Variants in ALKBH1 observed in about 807,000 individuals in gnomAD.
ALKBH1 encodes the protein nucleic acid dioxygenase ALKBH1.
Under a neutral mutation model 36.6 loss-of-function variants are expected in ALKBH1, and 31 were observed. The ratio of observed to expected loss-of-function variants is 0.85; its 90% CI spans 0.64 to 1.14. The LOEUF (loss-of-function observed/expected upper bound fraction) is 1.14. Ranked by LOEUF, ALKBH1 falls within the 50% of genes most tolerant of loss-of-function variation. The pLI is 0.00. For synonymous variants in ALKBH1, 183 were observed against 186.6 expected (o/e 0.98, Z 0.16); for missense variants, 490 against 497.3 (o/e 0.99, Z 0.14).
At chr14:77,690,414 G>A (rs2080290870) in intron 3 of ALKBH1, among the ~76,000 whole-genome samples, 1 of 152,214 alleles carries the variant, frequency 6.6e-6, no homozygotes, top group Non-Finnish European at 1.5e-5. Context: ...GCTCCTGGCA[G>A]GGAACTTCTA....
Position 77,705,925 on chromosome 14 carries a change from C to T in ALKBH1, c.184-1448G>A, listed in dbSNP as rs1367312727. Reference sequence around the variant, plus strand: ...CAAAAATTAGCCAGGCATGGTGGCGCGTGCCTGTAGTCCCAGCTACTTGGG... The same window carrying T: ...CAAAAATTAGCCAGGCATGGTGGCGTGTGCCTGTAGTCCCAGCTACTTGGG... On this transcript the variant is annotated intron_variant, in intron 1 of 5. Transcript: ENST00000216489. Among the ~76,000 whole-genome samples, 5 of 152,104 alleles carry T rather than the reference C, an allele frequency of 3.3e-5. No homozygotes were observed. The Middle Eastern group carries it at 0.014, about 417-fold the overall frequency.
Position 77,675,677 on chromosome 14 carries a change from G to C in ALKBH1, c.719C>G (p.Ser240Cys), listed in dbSNP as rs573617287. 6 of 1,613,936 alleles carry C rather than the reference G, an allele frequency of 3.7e-6. No homozygotes were observed. In the East Asian group the frequency reaches 1.1e-4, roughly 30 times the overall value. Residue 240 changes from serine to cysteine, a missense_variant, in exon 5 of 6, where the codon TCC (serine) becomes TGC (cysteine). Coordinates refer to ENST00000216489, the MANE Select transcript of ALKBH1 (RefSeq NM_006020.3). ...IHVDRSELDH[S>C]KPLLSFSFGQ... The stretch of plus-strand genomic sequence containing the variant: ...TCACCTGAATGACAGCAAGGGTTTG[G>C]AGTGATCTAGCTCAGATCTGTCTAC...
chr14:77,685,775 A>G (rs867911253), intron 3 of ALKBH1, among the ~76,000 whole-genome samples: 16 of 151,810 alleles, frequency 1.1e-4, no homozygotes, highest in African/African-American at 3.4e-4. Flanking sequence ...CTCGGGGGGG[A>G]AAAAAAGGCT....
chr14:77,683,440 A>C, intron 3 of ALKBH1: 1 of 747,600 alleles, frequency 1.3e-6, no homozygotes. Context: ...CTTGCCCTTA[A>C]CTTACTTGTT....
chr14:77,683,198 C>G, intron 3 of ALKBH1: 1 of 645,630 alleles, frequency 1.5e-6, no homozygotes, highest in Non-Finnish European at 2.9e-6. Context: ...TATTTTAACA[C>G]CTATTATGCT....
chr14:77,707,569 A>C (rs546240973), intron 1 of ALKBH1, among the ~76,000 whole-genome samples: 2 of 152,296 alleles, frequency 1.3e-5, no homozygotes, highest in East Asian at 3.9e-4. Context: ...TTACAGTAAG[A>C]AATAAACACG....
At chr14:77,682,636 G>C (rs2080244223) in intron 3 of ALKBH1, among the ~76,000 whole-genome samples, 1 of 152,180 alleles carries the variant, frequency 6.6e-6, no homozygotes, top group South Asian at 2.1e-4. Context: ...GGTCATCTAA[G>C]ACTGGAATCT....
intron 3 of ALKBH1, chr14:77,683,149 CTT>C (rs34921168): frequency 0.028 from 11,322 of 401,228 alleles, 1 homozygote; most frequent in South Asian, 0.053. Flanking sequence ...GCTGTAAAGT[CTT>C]TTTTTTTTTT....
rs1442135831 is a variant in ALKBH1 at position 77,674,149 on chromosome 14, A to C, written c.833T>G (p.Met278Arg). ...GTTCAAGAGGCGGCTGAAACCCGACATTATCATGATGTCACCACTGTGCAT... is the reference window on the plus strand; with the variant it reads ...GTTCAAGAGGCGGCTGAAACCCGACCTTATCATGATGTCACCACTGTGCAT... ...MFMHSGDIMI[M>R]SGFSRLLNHA... Residue 278 changes from methionine (M) to arginine (R), a missense_variant, in exon 6 of 6, where the codon ATG becomes AGG. Coordinates refer to ENST00000216489, the MANE Select transcript of ALKBH1 (RefSeq NM_006020.3). The C allele has an allele frequency of 1.2e-6, 2 of 1,614,110 alleles. No homozygotes were observed. The highest frequency in any genetic ancestry group is 2.7e-5 in the African/African-American group (2 of 74,942).
chr14:77,685,169 G>A (rs1243056733), intron 3 of ALKBH1, among the ~76,000 whole-genome samples: 2 of 152,120 alleles, frequency 1.3e-5, no homozygotes, highest in East Asian at 3.8e-4. Context: ...CTCACTGGGA[G>A]CGGTGGCTCA....
At chr14:77,679,839 C>T (rs766031790) in intron 4 of ALKBH1, 41 bp downstream of exon 4, 3 of 1,456,978 alleles carry the variant, frequency 2.1e-6, no homozygotes, top group South Asian at 1.1e-5. Context: ...GCTAAAGAAG[C>T]CTATAAACAG....
At chr14:77,677,849 G>C (rs2080214251) in intron 4 of ALKBH1, among the ~76,000 whole-genome samples, 1 of 152,078 alleles carries the variant, frequency 6.6e-6, no homozygotes, top group Admixed American at 6.6e-5. Context: ...AAACAGTCAA[G>C]GCTGTCATTC....
At chr14:77,677,171 C>T (rs2080210928) in intron 4 of ALKBH1, among the ~76,000 whole-genome samples, 1 of 152,044 alleles carries the variant, frequency 6.6e-6, no homozygotes, top group Admixed American at 6.6e-5. Flanking sequence ...TCCTGAGCAG[C>T]TAGGATTACA....
chr14:77,675,442 AC>A (rs2080199893), intron 5 of ALKBH1, among the ~76,000 whole-genome samples: 1 of 151,836 alleles, frequency 6.6e-6, no homozygotes, highest in Non-Finnish European at 1.5e-5. Context: ...TCAAAAAAAA[AC>A]AATAATAAAA....
intron 3 of ALKBH1, among the ~76,000 whole-genome samples, chr14:77,692,796 GTATTTATTTATT>G (rs10638828): frequency 1.3e-5 from 2 of 150,120 alleles, no homozygotes; most frequent in Non-Finnish European, 3.0e-5. Context: ...CTACCAAATT[GTATTTATTTATT>G]TATTTATTTA....
At chr14:77,691,586 T>C (rs928735319) in intron 3 of ALKBH1, 8 of 152,208 alleles carry the variant, frequency 5.3e-5, no homozygotes, top group African/African-American at 1.9e-4. Flanking sequence ...AGTGATACAA[T>C]GAAAACTTGG....
rs1363182705 is a variant in ALKBH1 at position 77,674,002 on chromosome 14, C to A, written c.980G>T (p.Trp327Leu). The A allele has an allele frequency of 6.2e-7, 1 of 1,614,188 alleles. No individual in the cohort carries two copies. The highest frequency in any genetic ancestry group is 1.1e-5 in the South Asian group (1 of 91,084). Residue 327 changes from tryptophan (W) to leucine (L), a missense_variant, in exon 6 of 6, where the codon TGG (tryptophan) becomes TTG (leucine). By Grantham distance (61) the Trp-to-Leu change is moderately conservative (BLOSUM62 -2). Coordinates refer to ENST00000216489, the MANE Select transcript of ALKBH1 (RefSeq NM_006020.3). ...CTTCAAGTAGCTGGCACACACCTGC[C>A]AGTCCTCCATAGAACAAGGCTCTAC... is the stretch of plus-strand genomic sequence containing the variant. The part of the protein sequence containing the change: ...SMVEPCSMED[W>L]QVCASYLKTA...
intron 1 of ALKBH1, among the ~76,000 whole-genome samples, chr14:77,705,135 C>T (rs998123280): frequency 2.0e-5 from 3 of 152,102 alleles, no homozygotes; most frequent in African/African-American, 4.8e-5. Flanking sequence ...AAAGAGAAGG[C>T]CGGTCGCAGT....
intron 4 of ALKBH1, among the ~76,000 whole-genome samples, chr14:77,676,304 T>G (rs1170927616): frequency 6.6e-6 from 1 of 152,144 alleles, no homozygotes; most frequent in African/African-American, 2.4e-5. Context: ...TCTTGGGGTA[T>G]CTAATGATCT....
Sources: allele counts gnomAD v4.1 joint callset (sites outside exome capture counted in the v4.1 genomes callset), GRCh38; gene constraint gnomAD v4.1.1; transcripts MANE v1.5; gene names NCBI Gene and HGNC (gene_info 2026-07-23, HGNC 2026-07-21).